CSMD1: variants seen among roughly 807,000 people sequenced by gnomAD.
The protein encoded by CSMD1 is CUB and Sushi multiple domains 1, also known as CUB and sushi domain-containing protein 1.
CSMD1 carries 213 observed loss-of-function variants against 417.5 expected under a neutral mutation model. The ratio of observed to expected loss-of-function variants is 0.51; its 90% CI spans 0.46 to 0.57. The LOEUF (loss-of-function observed/expected upper bound fraction) is 0.57, where lower values mean the gene tolerates loss of function less well. Among genes scored for constraint, CSMD1 ranks in the 20% least tolerant of loss-of-function variants. The pLI is 0.00. For missense variants in CSMD1, 6,923 were observed against 4,529.7 expected, an observed-to-expected ratio of 1.53 and a Z score of -15.17; for synonymous variants, 2,862 against 1,736.8, an observed-to-expected ratio of 1.65 and a Z score of -16.11.
intron 5 of CSMD1, among the ~76,000 whole-genome samples, chr8:3,809,797 G>A (rs1483986291): frequency 6.6e-6 from 1 of 152,072 alleles, no homozygotes; most frequent in Admixed American, 6.6e-5. Context: ...TATGTCATTA[G>A]GAGAAAATGC....
chr8:4,191,320 C>T (rs1394061153), intron 3 of CSMD1, among the ~76,000 whole-genome samples: 3 of 151,940 alleles, frequency 2.0e-5, no homozygotes, highest in African/African-American at 7.3e-5. Context: ...GGCGTGAACC[C>T]GGGAGGCAGA....
intron 8 of CSMD1, among the ~76,000 whole-genome samples, chr8:3,600,431 A>G (rs1801307471): frequency 6.6e-6 from 1 of 152,222 alleles, no homozygotes; most frequent in African/African-American, 2.4e-5. Flanking sequence ...AGAGGTCTCT[A>G]AACCAGCAGT....
At chr8:4,729,919 T>C (rs1809732813) in intron 1 of CSMD1, among the ~76,000 whole-genome samples, 1 of 152,228 alleles carries the variant, frequency 6.6e-6, no homozygotes, top group African/African-American at 2.4e-5. Flanking sequence ...GTTTTGATTT[T>C]CATCCTTTCC....
At chr8:4,215,486 G>C (rs532759653) in intron 3 of CSMD1, among the ~76,000 whole-genome samples, 1 of 122,014 alleles carries the variant, frequency 8.2e-6, no homozygotes, top group Non-Finnish European at 1.7e-5. Flanking sequence ...TGGGGGCCGG[G>C]GTTTTATGAA....
At chr8:4,289,777 T>G (rs1797259460) in intron 3 of CSMD1, among the ~76,000 whole-genome samples, 1 of 152,158 alleles carries the variant, frequency 6.6e-6, no homozygotes, top group Non-Finnish European at 1.5e-5. Context: ...GGAAGCACCA[T>G]AGTTAAAAGG....
intron 1 of CSMD1, among the ~76,000 whole-genome samples, chr8:4,865,144 A>C (rs1398457882): frequency 6.6e-6 from 1 of 151,822 alleles, no homozygotes; most frequent in Non-Finnish European, 1.5e-5. Flanking sequence ...AACATTTTAC[A>C]CAACTAATCT....
intron 2 of CSMD1, among the ~76,000 whole-genome samples, chr8:4,516,012 G>A (rs946929023): frequency 1.3e-5 from 2 of 152,298 alleles, no homozygotes; most frequent in Non-Finnish European, 2.9e-5. Flanking sequence ...CTTTGGAGTT[G>A]TAAGATCCTG....
At chr8:3,759,241 T>A (rs1159219518) in intron 5 of CSMD1, among the ~76,000 whole-genome samples, 1 of 152,302 alleles carries the variant, frequency 6.6e-6, no homozygotes, top group East Asian at 1.9e-4. Context: ...CATATCTCCA[T>A]AAAGTGGCTT....
chr8:3,356,549 C>A lies in CSMD1; in HGVS notation c.3304+2603G>T, dbSNP rs551242065. On this transcript the variant is annotated intron_variant, in intron 21 of 69. Transcript: ENST00000635120. Reference sequence around the variant, plus strand: ...AATTAGCCGGGCGTGGTGGCATGTGCCTGTAGTCCCAGCAACTCGGGAGGA... The same window carrying A: ...AATTAGCCGGGCGTGGTGGCATGTGACTGTAGTCCCAGCAACTCGGGAGGA... Among the ~76,000 whole-genome samples the A allele has an allele frequency of 2.4e-4, 36 of 152,220 alleles. No homozygotes were observed. The South Asian group carries it at 7.5e-3, about 32-fold the overall frequency.
chr8:4,098,341 C>A (rs1406851757), intron 3 of CSMD1, among the ~76,000 whole-genome samples: 1 of 152,152 alleles, frequency 6.6e-6, no homozygotes, highest in East Asian at 1.9e-4. Context: ...AAATGCGTAT[C>A]ATAATAGTGT....
chr8:4,264,690 G>C (rs551025828), intron 3 of CSMD1, among the ~76,000 whole-genome samples: 51 of 152,256 alleles, frequency 3.3e-4, no homozygotes, highest in African/African-American at 1.2e-3. Flanking sequence ...AGAATAAGGG[G>C]AACAGGGCCT....
chr8:3,188,907 T>A lies in CSMD1; in HGVS notation c.5503A>T (p.Thr1835Ser). Reference sequence around the variant, plus strand: ...CTCACCTGAATTCCCGAGCCCTCCGTAACTATGATCTTCCATATACAGTTC... The same window carrying A: ...CTCACCTGAATTCCCGAGCCCTCCGAAACTATGATCTTCCATATACAGTTC... ...NLNCIWKIIV[T>S]EGSGIQIQVI... The change falls in exon 35 of 70, where the codon ACG becomes TCG. Residue 1835 changes from threonine (T) to serine (S), a missense_variant. Coordinates refer to ENST00000635120, the MANE Select transcript of CSMD1 (RefSeq NM_033225.6). 6.3e-7 allele frequency: 1 copy of A among 1,589,850 alleles called. No homozygotes were observed. Among genetic ancestry groups the A allele is most frequent in the Non-Finnish European group, 8.6e-7 (1 of 1,167,708 alleles).
chr8:4,362,853 G>C (rs1366761329), intron 3 of CSMD1, among the ~76,000 whole-genome samples: 1 of 152,082 alleles, frequency 6.6e-6, no homozygotes, highest in Non-Finnish European at 1.5e-5. Flanking sequence ...TTGGTTATCA[G>C]GGTCTCTATA....
At chr8:4,465,500 G>T (rs1391445292) in intron 2 of CSMD1, among the ~76,000 whole-genome samples, 1 of 152,086 alleles carries the variant, frequency 6.6e-6, no homozygotes, top group Non-Finnish European at 1.5e-5. Context: ...CCCAAGAGGT[G>T]ACTTAACAGT....
intron 3 of CSMD1, among the ~76,000 whole-genome samples, chr8:4,297,530 C>T (rs1174363825): frequency 1.3e-5 from 2 of 152,144 alleles, no homozygotes; most frequent in Non-Finnish European, 2.9e-5. Flanking sequence ...AGCTGTTAAA[C>T]CCCTCACATA....
At chr8:3,106,145 G>A (rs1459675295) in intron 46 of CSMD1, among the ~76,000 whole-genome samples, 4 of 151,166 alleles carry the variant, frequency 2.6e-5, no homozygotes, top group African/African-American at 9.7e-5. Flanking sequence ...TAGCAATCTG[G>A]GAAGCTGAGG....
chr8:4,164,039 G>T (rs979384956), intron 3 of CSMD1, among the ~76,000 whole-genome samples: 1 of 152,074 alleles, frequency 6.6e-6, no homozygotes, highest in African/African-American at 2.4e-5. Context: ...TGGTACATGT[G>T]TCATTCCCTT....
In CSMD1 at chr8:3,685,502, C is replaced by T. The variant is rs76276716; in HGVS notation, c.1009+22912G>A. Among the ~76,000 whole-genome samples the T allele has an allele frequency of 1.6e-3, 247 of 152,198 alleles. 3 individuals carry two copies. The highest frequency in any genetic ancestry group is 5.7e-3 in the African/African-American group (236 of 41,524). On this transcript the variant is annotated intron_variant, in intron 7 of 69. Coordinates refer to ENST00000635120, the MANE Select transcript of CSMD1 (RefSeq NM_033225.6). The stretch of plus-strand genomic sequence containing the variant: ...AGATGGGAGCTCAGACTCAAATCCA[C>T]CTCCCTGACCTACTAAAATTAGGGG...
At chr8:4,271,437 T>C (rs1397843347) in intron 3 of CSMD1, among the ~76,000 whole-genome samples, 1 of 152,140 alleles carries the variant, frequency 6.6e-6, no homozygotes, top group Non-Finnish European at 1.5e-5. Context: ...TAGGAGACTC[T>C]CCTCATTAAC....
Sources: gnomAD v4.1 joint callset for allele counts (sites outside exome capture counted in the v4.1 genomes callset) on GRCh38, gnomAD v4.1.1 for gene constraint, MANE v1.5 for transcripts, NCBI Gene and HGNC (gene_info 2026-07-23, HGNC 2026-07-21) for gene names.